Variants in ADAMTSL3 observed in about 807,000 individuals in gnomAD.
ADAMTSL3 encodes the protein ADAMTS like 3.
A neutral mutation model predicts 201.7 loss-of-function variants in ADAMTSL3; 128 were observed. The observed-to-expected ratio is 0.63, with a 90% CI of 0.55 to 0.73. The LOEUF (loss-of-function observed/expected upper bound fraction) is 0.73, where lower values mean the gene tolerates loss of function less well. ADAMTSL3 is among the 30% of genes least tolerant of loss of function. The pLI is 0.00. For synonymous variants in ADAMTSL3, 738 were observed against 748.4 expected (o/e 0.99, Z 0.23); for missense variants, 1,990 against 2,119.6 (o/e 0.94, Z 1.20).
rs1567092987 is a variant in ADAMTSL3, at chr15:83,714,789, C to CTTTCTTTCTTTCTTTCTT, written c.189+10286_189+10287insTTCTTTCTTTCTTTTTCT. On this transcript the variant is annotated intron_variant, in intron 3 of 29. Transcript: ENST00000286744. Reference sequence around the variant, plus strand: ...TTTCTTTCTTTCTTTCTTTCTTTTTCTTTCTCTCTCTTTCTTTCTTCTTTC... The same window carrying CTTTCTTTCTTTCTTTCTT: ...TTTCTTTCTTTCTTTCTTTCTTTTTCTTTCTTTCTTTCTTTCTTTTTCTCTCTCTTTCTTTCTTCTTTC... Among the ~76,000 whole-genome samples the CTTTCTTTCTTTCTTTCTT allele has an allele frequency of 6.2e-3, 467 of 75,278 alleles. 39 individuals carry two copies. Among genetic ancestry groups the CTTTCTTTCTTTCTTTCTT allele is most frequent in the African/African-American group, 0.019 (439 of 23,248 alleles). The allele number at this position is 75,278 out of a possible 152,430, so 49.4% of individuals were successfully genotyped here. A position where few individuals can be genotyped will look rare whatever the true frequency, so the allele number is the denominator to read the frequency against.
intron 3 of ADAMTSL3, among the ~76,000 whole-genome samples, chr15:83,721,824 C>G (rs1027485452): frequency 6.6e-6 from 1 of 152,148 alleles, no homozygotes; most frequent in Non-Finnish European, 1.5e-5. Context: ...CCTCTGCCTC[C>G]TGGGTTCAAG....
At chr15:83,983,519 A>T (rs1374074436) in intron 21 of ADAMTSL3, among the ~76,000 whole-genome samples, 175 bp downstream of exon 21, 1 of 152,220 alleles carries the variant, frequency 6.6e-6, no homozygotes, top group Non-Finnish European at 1.5e-5. Flanking sequence ...TGGAATTTTT[A>T]AATTCAACCG....
chr15:83,792,517 C>A (rs553051122), intron 4 of ADAMTSL3, among the ~76,000 whole-genome samples: 67 of 152,222 alleles, frequency 4.4e-4, no homozygotes, highest in African/African-American at 1.6e-3. Context: ...ATCAGTTGGG[C>A]TTATGCCTGT....
At chr15:84,030,732 C>T (rs939249257) in intron 27 of ADAMTSL3, among the ~76,000 whole-genome samples, 1 of 152,112 alleles carries the variant, frequency 6.6e-6, no homozygotes, top group African/African-American at 2.4e-5. Flanking sequence ...GGGCCACGGG[C>T]AGAATGATAT....
At chr15:83,925,700 C>A (rs1053150807) in intron 17 of ADAMTSL3, among the ~76,000 whole-genome samples, 2 of 152,230 alleles carry the variant, frequency 1.3e-5, no homozygotes, top group African/African-American at 4.8e-5. Context: ...ACCCTTCTAT[C>A]TTTAGAGAAA....
At chr15:83,791,733 G>A (rs903420978) in intron 4 of ADAMTSL3, among the ~76,000 whole-genome samples, 12 of 151,822 alleles carry the variant, frequency 7.9e-5, no homozygotes, top group East Asian at 5.8e-4. Flanking sequence ...GGTAGCGGGC[G>A]CCTGTAGTCC....
intron 4 of ADAMTSL3, among the ~76,000 whole-genome samples, chr15:83,783,228 A>G (rs1223644040): frequency 2.0e-5 from 3 of 151,820 alleles, no homozygotes; most frequent in African/African-American, 7.2e-5. Flanking sequence ...TGCACGTTCA[A>G]TTTCTAAGGT....
At chr15:84,004,299 G>A (rs1314927817) in intron 23 of ADAMTSL3, among the ~76,000 whole-genome samples, 2 of 152,222 alleles carry the variant, frequency 1.3e-5, no homozygotes, top group African/African-American at 4.8e-5. Context: ...TTAATTCATC[G>A]GCAGTATGTC....
At chr15:83,822,008 C>T (rs1567167404) in intron 6 of ADAMTSL3, among the ~76,000 whole-genome samples, 1 of 142,750 alleles carries the variant, frequency 7.0e-6, no homozygotes, top group African/African-American at 2.6e-5. Flanking sequence ...GCTGACCTCC[C>T]CCACCTCCCT....
chr15:83,976,277 G>A (rs1041340284), intron 20 of ADAMTSL3, among the ~76,000 whole-genome samples: 1 of 152,048 alleles, frequency 6.6e-6, no homozygotes, highest in Non-Finnish European at 1.5e-5. Context: ...GGGAATAGTT[G>A]CTAGCAGTCT....
intron 6 of ADAMTSL3, among the ~76,000 whole-genome samples, chr15:83,829,417 T>C (rs562977232): frequency 5.4e-4 from 83 of 152,296 alleles, no homozygotes; most frequent in African/African-American, 1.9e-3. Flanking sequence ...TCTTCTCTCT[T>C]TTCTTCTTTA....
At chr15:83,799,491 A>C (rs2063483937) in intron 4 of ADAMTSL3, among the ~76,000 whole-genome samples, 1 of 152,178 alleles carries the variant, frequency 6.6e-6, no homozygotes, top group Admixed American at 6.5e-5. Context: ...CACAGGTTTA[A>C]GTTAACTACT....
intron 2 of ADAMTSL3, among the ~76,000 whole-genome samples, chr15:83,681,576 A>C (rs2061476234): frequency 6.6e-6 from 1 of 152,258 alleles, no homozygotes; most frequent in Non-Finnish European, 1.5e-5. Context: ...GCCTAGACAT[A>C]TCAATAGTTC....
intron 23 of ADAMTSL3, among the ~76,000 whole-genome samples, chr15:84,001,231 T>G (rs2067787114): frequency 1.3e-5 from 2 of 152,120 alleles, no homozygotes; most frequent in African/African-American, 4.8e-5. Flanking sequence ...GGGACACAGG[T>G]GTCCCGAGGC....
chr15:83,962,835 C>A (rs943728184), intron 19 of ADAMTSL3, among the ~76,000 whole-genome samples: 2 of 152,174 alleles, frequency 1.3e-5, no homozygotes, highest in African/African-American at 4.8e-5. Context: ...CTCATTGGGA[C>A]TGGTTAGACA....
chr15:84,017,855 G>A (rs2068115879), intron 25 of ADAMTSL3, among the ~76,000 whole-genome samples: 1 of 152,222 alleles, frequency 6.6e-6, no homozygotes, highest in South Asian at 2.1e-4. Flanking sequence ...GAGGGAGGCA[G>A]TCACGTAAAC....
rs2141505440 is a variant in ADAMTSL3 at position 83,704,615 on chromosome 15, C to T, written c.189+107C>T. On this transcript the variant is annotated intron_variant, in intron 3 of 29. Transcript: ENST00000286744. ...TAATTATATTTTCCTCTTTGCAATA[C>T]AAGTACAACAGACCCTTGACACCCT... 7.6e-6 allele frequency: 11 copies of T among 1,446,242 alleles called. No homozygotes were observed. In the South Asian group the frequency reaches 1.2e-4, roughly 16 times the overall value. 89.6% of individuals were successfully genotyped at this position (1,446,242 alleles called of 1,614,324 possible). A position where few individuals can be genotyped will look rare whatever the true frequency, so the allele number is the denominator to read the frequency against.
At chr15:83,823,887 T>C (rs143612950) in intron 6 of ADAMTSL3, among the ~76,000 whole-genome samples, 2 of 100,592 alleles carry the variant, frequency 2.0e-5, no homozygotes, top group African/African-American at 9.6e-5. Flanking sequence ...TTCCTTCTTC[T>C]TCTTCCTCTT....
At chr15:83,723,081 A>G (rs1567099658) in intron 3 of ADAMTSL3, among the ~76,000 whole-genome samples, 1 of 152,196 alleles carries the variant, frequency 6.6e-6, no homozygotes, top group Non-Finnish European at 1.5e-5. Flanking sequence ...TTTGTAAAAT[A>G]CCATGTAAAA....
Sources: gnomAD v4.1 joint callset for allele counts (sites outside exome capture counted in the v4.1 genomes callset) on GRCh38, gnomAD v4.1.1 for gene constraint, MANE v1.5 for transcripts, NCBI Gene and HGNC (gene_info 2026-07-23, HGNC 2026-07-21) for gene names.